Variants in CHST6 observed in about 807,000 individuals in gnomAD.
CHST6 encodes the protein carbohydrate sulfotransferase 6.
For missense variants in CHST6, 698 were observed against 586.2 expected, an observed-to-expected ratio of 1.19 and a Z score of -1.97; for synonymous variants, 309 against 276.4, an observed-to-expected ratio of 1.12 and a Z score of -1.17.
In CHST6 at chr16:75,479,174, C is replaced by A. The variant is rs1464756331; in HGVS notation, c.655G>T (p.Ala219Ser). The A allele has an allele frequency of 1.2e-6, 2 of 1,608,254 alleles. No individual in the cohort carries two copies. The highest frequency in any genetic ancestry group is 1.7e-6 in the Non-Finnish European group (2 of 1,179,046). ...CCCAGCACGATGCCGTTGTCACGCG[C>A]CAGAGCCTTGGCTGTCTGCTCCCGG... is the stretch of plus-strand genomic sequence containing the variant. ...RSREQTAKALARDNGIVLGTN... is the reference protein window; with the variant it reads ...RSREQTAKALSRDNGIVLGTN... The change falls in exon 3 of 3, where the codon GCG becomes TCG. Residue 219 changes from alanine to serine, a missense_variant. Transcript: ENST00000332272.
At position 75,476,567 on chromosome 16, in the gene CHST6, A is replaced by AC. The variant is rs1456467280; in HGVS notation, c.*2073_*2074insG. On this transcript the variant is annotated 3_prime_UTR_variant, in exon 3 of 3. Transcript: ENST00000332272. ...CAGAGCCAGACTCCATCTCAAAAAA[A>AC]AAAAAAAAAAAAAAAAAATGGCCCT... The AC allele has an allele frequency of 6.7e-6, 1 of 149,084 alleles. No individual in the cohort carries two copies. The highest frequency in any genetic ancestry group is 1.5e-5 in the Non-Finnish European group (1 of 67,548). 9.2% of individuals were successfully genotyped at this position (149,084 alleles called of 1,614,324 possible).
intron 1 of CHST6, 127 bp from the exon 2 acceptor site, chr16:75,482,018 G>GCTA (rs147406533): frequency 3.8e-6 from 1 of 260,396 alleles, no homozygotes; most frequent in Non-Finnish European, 7.8e-6. Flanking sequence ...ACCTCTTAGG[G>GCTA]CTGTGAGATG....
chr16:75,491,293 TA>T (rs1412298012), intron 1 of CHST6, among the ~76,000 whole-genome samples: 1 of 148,158 alleles, frequency 6.7e-6, no homozygotes, highest in African/African-American at 2.5e-5. Context: ...AGCCATTATT[TA>T]AAAAAATACA....
chr16:75,483,634 T>A (rs2080165420), intron 1 of CHST6, among the ~76,000 whole-genome samples: 1 of 152,150 alleles, frequency 6.6e-6, no homozygotes, highest in South Asian at 2.1e-4. Flanking sequence ...CCCAAGTCCC[T>A]GGGAGGCAGA....
Position 75,489,771 on chromosome 16 carries a change from G to A in CHST6, c.-92+5169C>T, listed in dbSNP as rs1021989214. The stretch of plus-strand genomic sequence containing the variant: ...GCAAATATCCTATTTAGTTTTTTAA[G>A]AATAAGCATATTTAAGAAATATAAG... On this transcript the variant is annotated intron_variant, in intron 1 of 2. Transcript: ENST00000332272. Among the ~76,000 whole-genome samples, 8 of 151,792 alleles carry A rather than the reference G, an allele frequency of 5.3e-5. No individual in the cohort carries two copies. The East Asian group carries it at 5.8e-4, about 11-fold the overall frequency.
intron 1 of CHST6, among the ~76,000 whole-genome samples, chr16:75,489,159 G>A (rs1295962701): frequency 2.6e-5 from 4 of 151,900 alleles, no homozygotes; most frequent in Admixed American, 2.0e-4. Flanking sequence ...AGCACTTTGG[G>A]AGGCCGAGGC....
At chr16:75,481,427 T>C (rs1312203695) in intron 2 of CHST6, among the ~76,000 whole-genome samples, 3 of 151,942 alleles carry the variant, frequency 2.0e-5, no homozygotes, top group African/African-American at 7.3e-5. Flanking sequence ...ACCCCATCTC[T>C]ACCAAAAAAA....
chr16:75,481,692 C>T, intron 2 of CHST6, 125 bp downstream of exon 2: 1 of 377,164 alleles, frequency 2.7e-6, no homozygotes, highest in South Asian at 2.1e-5. Flanking sequence ...GCATGGGCTC[C>T]AGAGGGAGGA....
intron 1 of CHST6, among the ~76,000 whole-genome samples, chr16:75,491,089 A>T (rs2080247110): frequency 6.8e-6 from 1 of 146,628 alleles, no homozygotes; most frequent in African/African-American, 2.5e-5. Flanking sequence ...ACCTGAGGTC[A>T]GGAAGGCAGA....
Position 75,478,495 on chromosome 16 carries a change from G to T in CHST6, c.*146C>A. The stretch of plus-strand genomic sequence containing the variant: ...CAAGAATCAAGAGAGAAAGAAACGT[G>T]CAGTCCTTGCCTACTTGGGGAGGGG... On this transcript the variant is annotated 3_prime_UTR_variant, in exon 3 of 3. Coordinates refer to ENST00000332272, the MANE Select transcript of CHST6 (RefSeq NM_021615.5). 1 of 766,892 alleles carries T rather than the reference G, an allele frequency of 1.3e-6. No individual in the cohort carries two copies. 47.5% of individuals were successfully genotyped at this position (766,892 alleles called of 1,614,324 possible). A position where few individuals can be genotyped will look rare whatever the true frequency, so the allele number is the denominator to read the frequency against.
intron 1 of CHST6, among the ~76,000 whole-genome samples, chr16:75,487,753 C>T (rs1383792227): frequency 6.9e-6 from 1 of 145,086 alleles, no homozygotes. Context: ...GAGCTGAGAT[C>T]GTGCCACTGC....
chr16:75,479,300 G>T lies in CHST6; in HGVS notation c.529C>A (p.Arg177Ser). 2 of 1,613,190 alleles carry T rather than the reference G, an allele frequency of 1.2e-6. No individual in the cohort carries two copies. The highest frequency in any genetic ancestry group is 1.7e-6 in the Non-Finnish European group (2 of 1,179,784). Residue 177 changes from arginine (R) to serine (S), a missense_variant, in exon 3 of 3, where the codon CGC becomes AGC. Transcript: ENST00000332272. The stretch of plus-strand genomic sequence containing the variant: ...TAGAGCACCTGCAGGTTGAAGAAGC[G>T]CACCTCCTTGAGCACCACGTGGCTG... The part of the protein sequence containing the change: ...SYSHVVLKEV[R>S]FFNLQVLYPL...
chr16:75,493,335 C>G (rs2080276147), intron 1 of CHST6, among the ~76,000 whole-genome samples: 1 of 151,814 alleles, frequency 6.6e-6, no homozygotes, highest in South Asian at 2.1e-4. Flanking sequence ...ATAGTGAAAC[C>G]CCATCTTTAC....
intron 1 of CHST6, among the ~76,000 whole-genome samples, chr16:75,493,516 C>CA (rs55916880): frequency 0.23 from 23,600 of 104,232 alleles, 4,042 homozygotes; most frequent in East Asian, 0.69. Context: ...GACTCCGTAT[C>CA]AAAAAAAAAA....
intron 1 of CHST6, among the ~76,000 whole-genome samples, chr16:75,485,505 CAGCTCACAGCTGA>C (rs2080186768): frequency 1.3e-5 from 2 of 152,164 alleles, no homozygotes; most frequent in African/African-American, 4.8e-5. Flanking sequence ...CAAAACACTC[CAGCTCACAGCTGA>C]AGCTCACAGC....
In CHST6 at chr16:75,479,187, T is replaced by A; in HGVS notation, c.642A>T (p.Thr214=). 1 of 1,608,688 alleles carries A rather than the reference T, an allele frequency of 6.2e-7. No individual in the cohort carries two copies. The highest frequency in any genetic ancestry group is 2.2e-5 in the East Asian group (1 of 44,842). The part of the protein sequence containing the change: ...PRAVLRSREQ[T]AKALARDNGI... ...CGTTGTCACGCGCCAGAGCCTTGGC[T>A]GTCTGCTCCCGGGAGCGCAGCACGG... The change falls in exon 3 of 3, where the codon ACA becomes ACT. Residue 214 remains threonine, a synonymous_variant. Transcript: ENST00000332272.
In CHST6 at chr16:75,479,612, C is replaced by A; in HGVS notation, c.217G>T (p.Ala73Ser). ...GACAGGGTGGTCCACACGTGCCACGCGGGCTCCATTAGGTAGAAGACGTCG... is the reference window on the plus strand; with the variant it reads ...GACAGGGTGGTCCACACGTGCCACGAGGGCTCCATTAGGTAGAAGACGTCG... ...HPDVFYLMEPAWHVWTTLSQG... is the reference protein window; with the variant it reads ...HPDVFYLMEPSWHVWTTLSQG... Residue 73 changes from alanine (A) to serine (S), a missense_variant, in exon 3 of 3, where the codon GCG (alanine) becomes TCG (serine). Transcript: ENST00000332272. 2 of 1,612,898 alleles carry A rather than the reference C, an allele frequency of 1.2e-6. No individual in the cohort carries two copies. The highest frequency in any genetic ancestry group is 1.7e-6 in the Non-Finnish European group (2 of 1,179,860).
At chr16:75,490,396 T>G (rs928648030) in intron 1 of CHST6, among the ~76,000 whole-genome samples, 1 of 152,030 alleles carries the variant, frequency 6.6e-6, no homozygotes. Context: ...GAGAATCACT[T>G]GAACCTGGGA....
Position 75,479,108 on chromosome 16 carries a change from C to A in CHST6, c.721G>T (p.Val241Leu). The A allele has an allele frequency of 1.9e-6, 3 of 1,605,054 alleles. No individual in the cohort carries two copies. Among genetic ancestry groups the A allele is most frequent in the Non-Finnish European group, 2.5e-6 (3 of 1,178,698 alleles). The change falls in exon 3 of 3, where the codon GTG (valine) becomes TTG (leucine). Residue 241 changes from valine (V) to leucine (L), a missense_variant. Transcript: ENST00000332272. Reference protein sequence around the residue: ...TWVEADPGLRVVREVCRSHVR... With the variant: ...TWVEADPGLRLVREVCRSHVR... ...TGGCTACGGCACACCTCGCGCACCA[C>A]GCGCAGGCCGGGGTCGGCCTCCACC...
Sources: gnomAD v4.1 joint callset for allele counts (sites outside exome capture counted in the v4.1 genomes callset) on GRCh38, gnomAD v4.1.1 for gene constraint, MANE v1.5 for transcripts, NCBI Gene and HGNC (gene_info 2026-07-23, HGNC 2026-07-21) for gene names.